ACER2: variants seen among roughly 807,000 people sequenced by gnomAD.
ACER2 encodes the protein alkCDase 2.
In ACER2, 26 loss-of-function variants were observed where a neutral mutation model predicts 34.7. The observed-to-expected ratio is 0.75, with a 90% CI of 0.55 to 1.04. The LOEUF is 1.04. Ranked by LOEUF, ACER2 falls within the 50% of genes least tolerant of loss-of-function variation. The probability of loss-of-function intolerance (pLI) is 0.00; values close to 1 mark genes in which losing one functional copy is unlikely to be tolerated. For synonymous variants in ACER2, 138 were observed against 132.1 expected (o/e 1.04, Z -0.31); for missense variants, 352 against 340.8 (o/e 1.03, Z -0.26).
intron 1 of ACER2, among the ~76,000 whole-genome samples, chr9:19,414,462 A>G (rs1830179132): frequency 6.6e-6 from 1 of 152,238 alleles, no homozygotes; most frequent in Non-Finnish European, 1.5e-5. Context: ...TCATAGAATG[A>G]AGAACTTTCT....
At chr9:19,423,655 C>G (rs529574069) in intron 1 of ACER2, among the ~76,000 whole-genome samples, 1 of 152,128 alleles carries the variant, frequency 6.6e-6, no homozygotes, top group Non-Finnish European at 1.5e-5. Context: ...GAGCCAAGAT[C>G]GTACCACTGC....
chr9:19,438,870 C>T lies in ACER2; in HGVS notation c.503+3786C>T, dbSNP rs185596210. Among the ~76,000 whole-genome samples, 64 of 151,778 alleles carry T rather than the reference C, an allele frequency of 4.2e-4. 1 individual carries two copies. In the East Asian group the frequency reaches 7.0e-3, roughly 17 times the overall value. On this transcript the variant is annotated intron_variant, in intron 4 of 5. Coordinates refer to ENST00000340967, the MANE Select transcript of ACER2 (RefSeq NM_001010887.3). The stretch of plus-strand genomic sequence containing the variant: ...GCATGATCATAGCTCATTGCATCTT[C>T]GAACTCCTGCACTTAGGTAATCTTC...
intron 3 of ACER2, among the ~76,000 whole-genome samples, chr9:19,430,912 C>T (rs1489317169): frequency 1.3e-5 from 2 of 151,926 alleles, no homozygotes; most frequent in Non-Finnish European, 2.9e-5. Context: ...GAGCTGAGAT[C>T]GCACCACTGC....
chr9:19,439,344 C>CTTTTTTTTTTT (rs55690063), intron 4 of ACER2, among the ~76,000 whole-genome samples: 1,878 of 138,096 alleles, frequency 0.014, 34 homozygotes, highest in Non-Finnish European at 0.022. Flanking sequence ...AAGGGGCTTG[C>CTTTTTTTTTTT]TTTTTTTTTT....
At position 19,409,079 on chromosome 9, in the gene ACER2, G is replaced by C. The variant is rs1242920055; in HGVS notation, c.-6G>C. ...CGAGCAGCTGCTCCAATGCCCCGGA[G>C]TGGCCATGGGCGCCCCGCACTGGTG... On this transcript the variant is annotated 5_prime_UTR_variant, in exon 1 of 6. Coordinates refer to ENST00000340967, the MANE Select transcript of ACER2 (RefSeq NM_001010887.3). 6.3e-7 allele frequency: 1 copy of C among 1,575,868 alleles called. No individual in the cohort carries two copies. The highest frequency in any genetic ancestry group is 8.6e-7 in the Non-Finnish European group (1 of 1,161,394).
intron 4 of ACER2, among the ~76,000 whole-genome samples, chr9:19,437,542 C>T (rs1239838234): frequency 6.6e-6 from 1 of 152,210 alleles, no homozygotes; most frequent in East Asian, 1.9e-4. Context: ...TTCTTTCAGA[C>T]TGTTACTCCC....
chr9:19,417,207 C>T lies in ACER2; in HGVS notation c.109-6655C>T, dbSNP rs575745656. Among the ~76,000 whole-genome samples, 4 of 152,286 alleles carry T rather than the reference C, an allele frequency of 2.6e-5. No individual in the cohort carries two copies. The East Asian group carries it at 7.7e-4, about 29-fold the overall frequency. On this transcript the variant is annotated intron_variant, in intron 1 of 5. Coordinates refer to ENST00000340967, the MANE Select transcript of ACER2 (RefSeq NM_001010887.3). ...CTTCAAGGAGAACTACAAACCACTG[C>T]TCAAGGAAATAATAGAGGACACAAA...
intron 4 of ACER2, chr9:19,446,075 TG>T: frequency 1.3e-6 from 1 of 796,596 alleles, no homozygotes; most frequent in South Asian, 1.4e-5. Flanking sequence ...GAGAGAAGCC[TG>T]GGTGGGAAGG....
chr9:19,442,960 G>A (rs1460390928), intron 4 of ACER2, among the ~76,000 whole-genome samples: 1 of 151,712 alleles, frequency 6.6e-6, no homozygotes, highest in Admixed American at 6.6e-5. Context: ...AGCCTCCCGA[G>A]TAGCTGGGAC....
chr9:19,447,351 T>A (rs1831405455), intron 5 of ACER2, among the ~76,000 whole-genome samples: 1 of 152,174 alleles, frequency 6.6e-6, no homozygotes, highest in African/African-American at 2.4e-5. Context: ...TCACTTAAGT[T>A]CCCTTGCTCA....
At chr9:19,429,161 G>A (rs1407015473) in intron 3 of ACER2, among the ~76,000 whole-genome samples, 1 of 152,016 alleles carries the variant, frequency 6.6e-6, no homozygotes, top group Non-Finnish European at 1.5e-5. Context: ...TATGTCAATA[G>A]GATATAAATG....
At chr9:19,436,991 G>A (rs751596572) in intron 4 of ACER2, among the ~76,000 whole-genome samples, 4 of 152,118 alleles carry the variant, frequency 2.6e-5, no homozygotes, top group Non-Finnish European at 5.9e-5. Context: ...TGTAATACAG[G>A]CTTTCATACC....
rs968164591 is a variant in ACER2 at position 19,450,459 on chromosome 9, C to A, written c.651C>A (p.Leu217=). Reference sequence around the variant, plus strand: ...TTGTCTCCCTCTGCAGGCACATCCTCATCTGCCTTGCTGCCTACCTGGGCT... The same window carrying A: ...TTGTCTCCCTCTGCAGGCACATCCTAATCTGCCTTGCTGCCTACCTGGGCT... The part of the protein sequence containing the change: ...FPYLHCMWHI[L]ICLAAYLGCV... The change falls in exon 6 of 6, where the codon CTC becomes CTA. Residue 217 remains leucine, a synonymous_variant. Coordinates refer to ENST00000340967, the MANE Select transcript of ACER2 (RefSeq NM_001010887.3). 1 of 1,598,684 alleles carries A rather than the reference C, an allele frequency of 6.3e-7. No individual in the cohort carries two copies. The highest frequency in any genetic ancestry group is 1.3e-5 in the African/African-American group (1 of 74,856).
chr9:19,432,968 G>C (rs1022108726), intron 3 of ACER2, among the ~76,000 whole-genome samples: 7 of 151,338 alleles, frequency 4.6e-5, no homozygotes, highest in African/African-American at 1.5e-4. Flanking sequence ...CAGAGAAATC[G>C]AACATCTGAA....
At chr9:19,426,308 CTTTCTTTCTTTCTT>C (rs1406889893) in intron 3 of ACER2, among the ~76,000 whole-genome samples, 2 of 132,146 alleles carry the variant, frequency 1.5e-5, no homozygotes, top group Non-Finnish European at 1.6e-5. Context: ...CTTTCTTTCT[CTTTCTTTCTTTCTT>C]TTTCTTTCTT....
intron 4 of ACER2, among the ~76,000 whole-genome samples, chr9:19,440,578 G>A (rs1290218047): frequency 6.6e-6 from 1 of 152,072 alleles, no homozygotes; most frequent in Non-Finnish European, 1.5e-5. Flanking sequence ...GATTCTGCTG[G>A]CACCTTGATC....
intron 4 of ACER2, among the ~76,000 whole-genome samples, chr9:19,436,035 C>G (rs1382197929): frequency 1.3e-5 from 2 of 151,506 alleles, no homozygotes; most frequent in Non-Finnish European, 2.9e-5. Context: ...GGTGACAGAG[C>G]GAGACTCTAT....
rs190520749 is a variant in ACER2 at position 19,417,517 on chromosome 9, A to T, written c.109-6345A>T. On this transcript the variant is annotated intron_variant, in intron 1 of 5. Coordinates refer to ENST00000340967, the MANE Select transcript of ACER2 (RefSeq NM_001010887.3). ...CAGCATGGTACTTGTACCAAAATAG[A>T]TATATAGACCAATGGAACAGAACAG... Among the ~76,000 whole-genome samples, 46 of 152,362 alleles carry T rather than the reference A, an allele frequency of 3.0e-4. No homozygotes were observed. The East Asian group carries it at 7.5e-3, about 25-fold the overall frequency.
chr9:19,413,378 C>G (rs943770777), intron 1 of ACER2, among the ~76,000 whole-genome samples: 1 of 152,164 alleles, frequency 6.6e-6, no homozygotes, highest in African/African-American at 2.4e-5. Flanking sequence ...GTGGGAGGAT[C>G]ACTTGAGGTC....
Sources: allele counts gnomAD v4.1 joint callset (sites outside exome capture counted in the v4.1 genomes callset), GRCh38; gene constraint gnomAD v4.1.1; transcripts MANE v1.5; gene names NCBI Gene and HGNC (gene_info 2026-07-23, HGNC 2026-07-21).